TRAPPC9: variants seen among roughly 807,000 people sequenced by gnomAD.
TRAPPC9 encodes the protein trafficking protein particle complex subunit 9.
In TRAPPC9, 83 loss-of-function variants were observed where a neutral mutation model predicts 124.0. That is an observed-to-expected ratio of 0.67 (90% CI 0.56 to 0.80). The LOEUF (loss-of-function observed/expected upper bound fraction) is 0.80. Ranked by LOEUF, TRAPPC9 falls within the 30% of genes least tolerant of loss-of-function variation. The pLI is 0.00. For synonymous variants in TRAPPC9, 638 were observed against 617.5 expected (o/e 1.03, Z -0.49); for missense variants, 1,302 against 1,508.3 (o/e 0.86, Z 2.27).
intron 19 of TRAPPC9, among the ~76,000 whole-genome samples, chr8:139,946,375 G>A (rs546846458): frequency 2.0e-5 from 3 of 152,186 alleles, no homozygotes; most frequent in Non-Finnish European, 4.4e-5. Flanking sequence ...ACGAGGCATG[G>A]CCAGGTGTGT....
chr8:140,341,816 T>G (rs987935182), intron 9 of TRAPPC9, among the ~76,000 whole-genome samples: 6 of 152,102 alleles, frequency 3.9e-5, no homozygotes, highest in Non-Finnish European at 7.4e-5. Context: ...CAGAAGAAAC[T>G]CACAGTACGT....
chr8:140,231,660 A>ATTT (rs71520265), intron 16 of TRAPPC9, among the ~76,000 whole-genome samples: 5 of 127,940 alleles, frequency 3.9e-5, no homozygotes, highest in South Asian at 2.6e-4. Flanking sequence ...CACACAGCTA[A>ATTT]TTTTTTTTTT....
chr8:139,809,015 T>C (rs1586893175), intron 21 of TRAPPC9, among the ~76,000 whole-genome samples: 2 of 152,370 alleles, frequency 1.3e-5, no homozygotes, highest in East Asian at 3.9e-4. Flanking sequence ...AACCCCTTTG[T>C]GTTCTCTGAC....
chr8:140,290,964 A>C, intron 12 of TRAPPC9, 29 bp downstream of exon 12: 1 of 1,595,506 alleles, frequency 6.3e-7, no homozygotes, highest in Non-Finnish European at 8.6e-7. Flanking sequence ...ATGTTAGCCC[A>C]AAAAGGTCAA....
At chr8:140,453,517 G>GACTAT (rs56161456) in intron 1 of TRAPPC9, among the ~76,000 whole-genome samples, 84,401 of 151,636 alleles carry the variant, frequency 0.56, 23,643 homozygotes, top group Non-Finnish European at 0.57. Context: ...GGCTATCCTG[G>GACTAT]ACATCACAAC....
intron 19 of TRAPPC9, chr8:139,933,607 C>T (rs903534208): frequency 6.6e-6 from 1 of 152,290 alleles, no homozygotes. Context: ...ACCGCGTGGC[C>T]CGGTCTTGCC....
At chr8:139,846,731 A>G (rs925294711) in intron 21 of TRAPPC9, among the ~76,000 whole-genome samples, 1 of 152,180 alleles carries the variant, frequency 6.6e-6, no homozygotes, top group Non-Finnish European at 1.5e-5. Context: ...TTGGGCATGG[A>G]GGAGGCCCAT....
chr8:140,408,128 T>C (rs1195194467), intron 5 of TRAPPC9, among the ~76,000 whole-genome samples: 2 of 152,148 alleles, frequency 1.3e-5, no homozygotes, highest in African/African-American at 2.4e-5. Context: ...ATCTGTAAAG[T>C]TGTGACAGCC....
intron 19 of TRAPPC9, among the ~76,000 whole-genome samples, chr8:139,977,104 A>T (rs1450224902): frequency 2.0e-5 from 3 of 152,136 alleles, no homozygotes; most frequent in Non-Finnish European, 2.9e-5. Context: ...CCAAACCTCA[A>T]GCAGTAAAGC....
At chr8:139,836,080 C>T (rs1029204854) in intron 21 of TRAPPC9, among the ~76,000 whole-genome samples, 4 of 152,104 alleles carry the variant, frequency 2.6e-5, no homozygotes, top group African/African-American at 4.8e-5. Context: ...ACCATTTCAG[C>T]GCAGCGCAGC....
intron 21 of TRAPPC9, among the ~76,000 whole-genome samples, chr8:139,755,813 T>G (rs372881015): frequency 0.17 from 3,105 of 18,666 alleles, no homozygotes; most frequent in Admixed American, 0.21. Flanking sequence ...AGGGTTGGGG[T>G]ATAAGGACAG....
chr8:140,364,477 T>G (rs190860264), intron 8 of TRAPPC9, among the ~76,000 whole-genome samples: 98 of 152,162 alleles, frequency 6.4e-4, no homozygotes, highest in African/African-American at 2.0e-3. Flanking sequence ...TAAACACTAC[T>G]CCTTCCCAAT....
At chr8:140,120,019 T>C (rs1490810308) in intron 17 of TRAPPC9, among the ~76,000 whole-genome samples, 2 of 152,174 alleles carry the variant, frequency 1.3e-5, no homozygotes, top group South Asian at 2.1e-4. Flanking sequence ...GGGTGGTCAG[T>C]AGATGTTGAG....
intron 17 of TRAPPC9, among the ~76,000 whole-genome samples, chr8:140,163,151 C>T (rs1049525976): frequency 6.6e-6 from 1 of 152,208 alleles, no homozygotes; most frequent in Non-Finnish European, 1.5e-5. Context: ...GAGGGCTTGC[C>T]AACCACCAGT....
In TRAPPC9 at chr8:140,284,028, T is replaced by G; in HGVS notation, c.1982-7A>C. On this transcript the variant is annotated splice_polypyrimidine_tract_variant and splice_region_variant and intron_variant, in intron 13 of 22. Coordinates refer to ENST00000438773, the MANE Select transcript of TRAPPC9 (RefSeq NM_001160372.4). ...AAGACCGTGGTATGGTAACCTGGAA[T>G]AGAAAAGGAACTTCTTCACTCCACT... 6.2e-7 allele frequency: 1 copy of G among 1,613,950 alleles called. No individual in the cohort carries two copies. Among genetic ancestry groups the G allele is most frequent in the South Asian group, 1.1e-5 (1 of 91,076 alleles).
intron 20 of TRAPPC9, among the ~76,000 whole-genome samples, chr8:139,893,312 C>T (rs1303357021): frequency 6.6e-6 from 1 of 152,212 alleles, no homozygotes; most frequent in Non-Finnish European, 1.5e-5. Context: ...GCTCTGTGCC[C>T]AGCTCTTCCT....
chr8:140,035,741 G>A (rs532886395), intron 17 of TRAPPC9, among the ~76,000 whole-genome samples: 4 of 152,334 alleles, frequency 2.6e-5, no homozygotes, highest in African/African-American at 9.6e-5. Context: ...GAAGGCCACT[G>A]ATAAAGGACA....
At chr8:139,832,630 A>T (rs551135491) in intron 21 of TRAPPC9, among the ~76,000 whole-genome samples, 1 of 152,304 alleles carries the variant, frequency 6.6e-6, no homozygotes, top group South Asian at 2.1e-4. Context: ...AGGTAAATAA[A>T]GGTCCGCCAG....
At chr8:139,733,477 G>C (rs1185153901) in intron 21 of TRAPPC9, among the ~76,000 whole-genome samples, 1 of 152,184 alleles carries the variant, frequency 6.6e-6, no homozygotes, top group Non-Finnish European at 1.5e-5. Flanking sequence ...CTGGGCAAAG[G>C]CCACCTGCTG....
Sources: gnomAD v4.1 joint callset for allele counts (sites outside exome capture counted in the v4.1 genomes callset) on GRCh38, gnomAD v4.1.1 for gene constraint, MANE v1.5 for transcripts, NCBI Gene and HGNC (gene_info 2026-07-23, HGNC 2026-07-21) for gene names.